SGCD: variants seen among roughly 807,000 people sequenced by gnomAD.
The protein encoded by SGCD is sarcoglycan delta, also known as delta-sarcoglycan.
SGCD carries 18 observed loss-of-function variants against 36.6 expected under a neutral mutation model. The ratio of observed to expected loss-of-function variants is 0.49; its 90% CI spans 0.34 to 0.73. SGCD has a LOEUF of 0.73. Among genes scored for constraint, SGCD ranks in the 30% least tolerant of loss-of-function variants. The pLI, the probability that SGCD is intolerant of heterozygous loss-of-function variation, is 0.01. For synonymous variants in SGCD, 133 were observed against 130.6 expected (o/e 1.02, Z -0.12); for missense variants, 387 against 346.7 (o/e 1.12, Z -0.92).
intron 3 of SGCD, among the ~76,000 whole-genome samples, chr5:156,449,871 A>G (rs1753931091): frequency 6.7e-6 from 1 of 150,194 alleles, no homozygotes; most frequent in African/African-American, 2.5e-5. Context: ...AAAAAAAAAA[A>G]AGAAACTTTT....
chr5:156,691,225 A>AAAAAAAAAAG (rs1208953973), intron 7 of SGCD, among the ~76,000 whole-genome samples: 62 of 150,336 alleles, frequency 4.1e-4, no homozygotes, highest in South Asian at 8.5e-4. Flanking sequence ...AAAAAAAAAA[A>AAAAAAAAAAG]AGAGAGAGAC....
rs376890282 is a variant in SGCD at position 156,540,401 on chromosome 5, GTTTTC to G, written c.294+31711_294+31715del. ...GGCAAGGAATTGGCATTAAGTTTTT[GTTTTC>G]TTTTCTTTTCTCCATATTTATATCT... On this transcript the variant is annotated intron_variant, in intron 4 of 8. Coordinates refer to ENST00000337851, the MANE Select transcript of SGCD (RefSeq NM_000337.6). Among the ~76,000 whole-genome samples, 675 of 152,122 alleles carry G rather than the reference GTTTTC, an allele frequency of 4.4e-3. 1 individual carries two copies. Among genetic ancestry groups the G allele is most frequent in the African/African-American group, 0.016 (652 of 41,524 alleles).
At chr5:156,598,383 A>G (rs1761024904) in intron 6 of SGCD, among the ~76,000 whole-genome samples, 1 of 152,132 alleles carries the variant, frequency 6.6e-6, no homozygotes, top group Non-Finnish European at 1.5e-5. Flanking sequence ...CTCTACTAAA[A>G]ATATAAAAAT....
chr5:155,952,919 G>A (rs1160564620), intron 1 of SGCD, among the ~76,000 whole-genome samples: 1 of 152,182 alleles, frequency 6.6e-6, no homozygotes, highest in African/African-American at 2.4e-5. Context: ...AATTTGATAT[G>A]ACCAGCTTTT....
Position 156,331,243 on chromosome 5 carries a change from A to C in SGCD, c.3+1664A>C, listed in dbSNP as rs535789035. Among the ~76,000 whole-genome samples the C allele has an allele frequency of 9.2e-5, 14 of 152,322 alleles. No individual in the cohort carries two copies. The East Asian group carries it at 2.5e-3, about 27-fold the overall frequency. On this transcript the variant is annotated intron_variant, in intron 2 of 8. Coordinates refer to ENST00000337851, the MANE Select transcript of SGCD (RefSeq NM_000337.6). ...TTGTTTCACTTTTCTTGCCACACAGAAAGGTCTTCATTATTGTTTCAAATT... is the reference window on the plus strand; with the variant it reads ...TTGTTTCACTTTTCTTGCCACACAGCAAGGTCTTCATTATTGTTTCAAATT...
At chr5:155,855,053 C>T in the SGCD span, among the ~76,000 whole-genome samples, 13 of 152,146 alleles carry the variant, frequency 8.5e-5, no homozygotes, top group Non-Finnish European at 1.8e-4. Flanking sequence ...CCACCACTTT[C>T]GGTTCTTCTC....
At chr5:156,079,615 G>A (rs867290064) in intron 1 of SGCD, among the ~76,000 whole-genome samples, 18 of 152,184 alleles carry the variant, frequency 1.2e-4, no homozygotes, top group African/African-American at 4.1e-4. Flanking sequence ...GGGGCTACAG[G>A]CTCCATGAGA....
intron 3 of SGCD, among the ~76,000 whole-genome samples, chr5:156,481,655 C>A (rs561271652): frequency 1.3e-5 from 2 of 152,184 alleles, no homozygotes; most frequent in East Asian, 1.9e-4. Flanking sequence ...ATAGTACCTG[C>A]CCCCACAGGA....
chr5:156,575,113 CAA>C (rs541147181), intron 4 of SGCD, among the ~76,000 whole-genome samples: 241 of 152,290 alleles, frequency 1.6e-3, no homozygotes, highest in African/African-American at 5.7e-3. Flanking sequence ...GTTTCTGCAG[CAA>C]AGAGTGGGGT....
chr5:156,728,577 A>ATTCT (rs1217012952), intron 7 of SGCD, among the ~76,000 whole-genome samples: 1 of 141,434 alleles, frequency 7.1e-6, no homozygotes, highest in Non-Finnish European at 1.5e-5. Flanking sequence ...TAGAAGCTTG[A>ATTCT]TTCTTTTTTA....
intron 7 of SGCD, chr5:156,739,793 A>G (rs1461074041): frequency 2.0e-5 from 3 of 152,198 alleles, no homozygotes; most frequent in Non-Finnish European, 4.4e-5. Flanking sequence ...TTAATCTACA[A>G]GTCTCTAAGC....
intron 1 of SGCD, among the ~76,000 whole-genome samples, chr5:155,937,817 A>G (rs1007296313): frequency 8.5e-5 from 13 of 152,230 alleles, no homozygotes; most frequent in African/African-American, 2.4e-5. Context: ...AATAGATCCA[A>G]TCCTGCCTCA....
chr5:156,758,968 T>C (rs1168301167), intron 8 of SGCD, among the ~76,000 whole-genome samples: 2 of 152,208 alleles, frequency 1.3e-5, no homozygotes, highest in African/African-American at 2.4e-5. Flanking sequence ...ATTTACATTC[T>C]GTATGACATT....
chr5:156,164,826 C>G (rs1763174681), intron 3 of SGCD, among the ~76,000 whole-genome samples: 2 of 152,190 alleles, frequency 1.3e-5, no homozygotes, highest in South Asian at 4.1e-4. Flanking sequence ...GGTCTCAGCT[C>G]TCTAAGACCT....
At chr5:156,244,506 G>A (rs369925269) in intron 3 of SGCD, among the ~76,000 whole-genome samples, 3 of 152,144 alleles carry the variant, frequency 2.0e-5, no homozygotes, top group Non-Finnish European at 2.9e-5. Context: ...AAAGTATAGC[G>A]TGGTAATGGG....
chr5:156,050,753 G>T lies in SGCD; in HGVS notation c.-281-67125G>T, dbSNP rs562243802. 4.1e-5 allele frequency among the ~76,000 whole-genome samples: 6 copies of T among 146,470 alleles called. 1 individual carries two copies. In the South Asian group the frequency reaches 1.3e-3, roughly 31 times the overall value. On this transcript the variant is annotated intron_variant, in intron 1 of 9. Coordinates refer to the SGCD transcript ENST00000517913. ...GATGCTCTAGGAGATAATTCATTTT[G>T]CCTTTTCTAGCTTCTAGAAGTTATC...
intron 1 of SGCD, among the ~76,000 whole-genome samples, chr5:156,067,803 G>A (rs1340818607): frequency 8.7e-5 from 12 of 138,322 alleles, no homozygotes; most frequent in African/African-American, 2.6e-4. Context: ...TTCGGCTCGC[G>A]CACGGTGCGC....
chr5:156,197,591 C>G (rs1018734904), intron 3 of SGCD, among the ~76,000 whole-genome samples: 2 of 150,758 alleles, frequency 1.3e-5, no homozygotes, highest in Admixed American at 6.6e-5. Context: ...TAATTAACAG[C>G]CAAGCAAGAG....
chr5:156,410,906 C>T (rs563175147), intron 3 of SGCD, among the ~76,000 whole-genome samples: 4 of 152,080 alleles, frequency 2.6e-5, no homozygotes, highest in Admixed American at 2.6e-4. Context: ...GATCAACTCT[C>T]ACTTCATGAA....
Sources: gnomAD v4.1 joint callset for allele counts (sites outside exome capture counted in the v4.1 genomes callset) on GRCh38, gnomAD v4.1.1 for gene constraint, MANE v1.5 for transcripts, NCBI Gene and HGNC (gene_info 2026-07-23, HGNC 2026-07-21) for gene names.